Variants in RFX3 observed in about 807,000 individuals in gnomAD.
RFX3 encodes regulatory factor X3, also known as transcription factor RFX3.
Under a neutral mutation model 98.6 loss-of-function variants are expected in RFX3, and 14 were observed. The ratio of observed to expected loss-of-function variants is 0.14; its 90% CI spans 0.09 to 0.22. The LOEUF (loss-of-function observed/expected upper bound fraction) is 0.22, where lower values mean the gene tolerates loss of function less well. Ranked by LOEUF, RFX3 falls within the 10% of genes least tolerant of loss-of-function variation. RFX3 has a pLI of 1.00. For synonymous variants in RFX3, 383 were observed against 328.4 expected (o/e 1.17, Z -1.80); for missense variants, 639 against 926.9 (o/e 0.69, Z 4.03).
At chr9:3,226,056 C>A (rs555643594) in intron 16 of RFX3, among the ~76,000 whole-genome samples, 15 of 152,166 alleles carry the variant, frequency 9.9e-5, no homozygotes, top group Admixed American at 3.9e-4. Flanking sequence ...TTCCAGTATG[C>A]ACTGTTAAAA....
chr9:3,432,288 A>G (rs1281690754), intron 1 of RFX3, among the ~76,000 whole-genome samples: 2 of 152,170 alleles, frequency 1.3e-5, no homozygotes, highest in East Asian at 3.9e-4. Flanking sequence ...CCCCAAACAC[A>G]TTATCTCTAA....
chr9:3,325,594 G>T (rs1236694833), intron 4 of RFX3, among the ~76,000 whole-genome samples: 2 of 151,820 alleles, frequency 1.3e-5, no homozygotes, highest in African/African-American at 4.8e-5. Flanking sequence ...GTATTAAGAA[G>T]AATTTAAAAA....
intron 1 of RFX3, among the ~76,000 whole-genome samples, chr9:3,415,767 T>C (rs1306737631): frequency 1.3e-5 from 2 of 152,186 alleles, no homozygotes; most frequent in African/African-American, 2.4e-5. Flanking sequence ...AATTCTATAA[T>C]ATGAACTGCC....
intron 6 of RFX3, among the ~76,000 whole-genome samples, chr9:3,290,822 G>C (rs541647905): frequency 1.1e-3 from 166 of 152,260 alleles, no homozygotes; most frequent in African/African-American, 3.9e-3. Flanking sequence ...AACTGACACA[G>C]TGAAGGGGTT....
At chr9:3,284,939 A>AT (rs1285378742) in intron 7 of RFX3, among the ~76,000 whole-genome samples, 2 of 151,784 alleles carry the variant, frequency 1.3e-5, no homozygotes, top group Non-Finnish European at 2.9e-5. Context: ...GGATTTATAG[A>AT]TAAATGGAGA....
At chr9:3,291,127 G>A (rs917013707) in intron 6 of RFX3, among the ~76,000 whole-genome samples, 3 of 152,192 alleles carry the variant, frequency 2.0e-5, no homozygotes, top group African/African-American at 4.8e-5. Context: ...CACTCTGGGA[G>A]GCTGAGGCGG....
At chr9:3,299,932 A>G (rs1411321556) in intron 5 of RFX3, among the ~76,000 whole-genome samples, 1 of 151,722 alleles carries the variant, frequency 6.6e-6, no homozygotes, top group African/African-American at 2.4e-5. Flanking sequence ...ATGTCAAGTA[A>G]AAATGAACCC....
chr9:3,329,170 G>T (rs1832281395), intron 4 of RFX3, among the ~76,000 whole-genome samples: 1 of 152,032 alleles, frequency 6.6e-6, no homozygotes, highest in Admixed American at 6.6e-5. Flanking sequence ...ACTTTGGGAG[G>T]CTGAGGAGGG....
intron 1 of RFX3, among the ~76,000 whole-genome samples, chr9:3,409,196 A>C (rs1842249127): frequency 6.6e-6 from 1 of 152,244 alleles, no homozygotes; most frequent in African/African-American, 2.4e-5. Context: ...AAAGTGTTAT[A>C]AATGTTTTGA....
chr9:3,506,708 G>GTA (rs898723334), intron 1 of RFX3, among the ~76,000 whole-genome samples: 9 of 151,738 alleles, frequency 5.9e-5, no homozygotes, highest in South Asian at 2.1e-4. Context: ...ATAGAGAAAT[G>GTA]TATATATATA....
chr9:3,343,510 G>C (rs1300498453), intron 3 of RFX3, among the ~76,000 whole-genome samples: 1 of 152,058 alleles, frequency 6.6e-6, no homozygotes, highest in African/African-American at 2.4e-5. Context: ...ATGAACATTA[G>C]AGACAAAAAT....
chr9:3,467,251 TATACATATATATGTACATAC>T (rs1289104499), intron 1 of RFX3, among the ~76,000 whole-genome samples: 3 of 145,440 alleles, frequency 2.1e-5, no homozygotes, highest in Admixed American at 6.9e-5. Flanking sequence ...ATATATTATA[TATACATATATATGTACATAC>T]ATACATATAT....
intron 14 of RFX3, among the ~76,000 whole-genome samples, chr9:3,252,071 C>T (rs1235397386): frequency 1.3e-5 from 2 of 152,152 alleles, no homozygotes; most frequent in East Asian, 3.9e-4. Flanking sequence ...TGGTGTCGAA[C>T]TCCCGACCTC....
chr9:3,228,399 C>T (rs112980084), intron 16 of RFX3, among the ~76,000 whole-genome samples: 78 of 152,318 alleles, frequency 5.1e-4, no homozygotes, highest in African/African-American at 1.8e-3. Context: ...ACTAATCTTG[C>T]ATTTACAGTA....
intron 1 of RFX3, among the ~76,000 whole-genome samples, chr9:3,504,368 T>C (rs1301763080): frequency 7.5e-6 from 1 of 133,024 alleles, no homozygotes; most frequent in South Asian, 2.4e-4. Context: ...GTATATAAAA[T>C]ATATATTATA....
At chr9:3,295,236 GT>G (rs1827852542) in intron 5 of RFX3, among the ~76,000 whole-genome samples, 1 of 151,616 alleles carries the variant, frequency 6.6e-6, no homozygotes, top group Admixed American at 6.6e-5. Context: ...GACTTTATTA[GT>G]TTTAAGTATA....
intron 3 of RFX3, among the ~76,000 whole-genome samples, chr9:3,338,725 A>C (rs1833503009): frequency 6.6e-6 from 1 of 152,190 alleles, no homozygotes; most frequent in South Asian, 2.1e-4. Flanking sequence ...CACTTTGGGA[A>C]CCATTGTACT....
At chr9:3,522,721 C>T (rs1818846801) in intron 1 of RFX3, among the ~76,000 whole-genome samples, 2 of 152,130 alleles carry the variant, frequency 1.3e-5, no homozygotes, top group South Asian at 4.1e-4. Flanking sequence ...AGAATACCAA[C>T]ACAATATCAA....
chr9:3,436,418 T>C (rs1845128234), intron 1 of RFX3, among the ~76,000 whole-genome samples: 1 of 152,108 alleles, frequency 6.6e-6, no homozygotes, highest in Non-Finnish European at 1.5e-5. Context: ...AAGTTTTTAA[T>C]AACTAGAGTC....
Sources: allele counts gnomAD v4.1 joint callset (sites outside exome capture counted in the v4.1 genomes callset), GRCh38; gene constraint gnomAD v4.1.1; transcripts MANE v1.5; gene names NCBI Gene and HGNC (gene_info 2026-07-23, HGNC 2026-07-21).